The following SLCO1B3 variants were observed in gnomAD, a reference collection of about 807,000 sequenced individuals.
SLCO1B3 encodes the protein liver-specific organic anion transporter 2.
A neutral mutation model predicts 71.8 loss-of-function variants in SLCO1B3; 72 were observed. That is an observed-to-expected ratio of 1.00 (90% CI 0.83 to 1.22). The LOEUF is 1.22. Among genes scored for constraint, SLCO1B3 ranks in the 50% most tolerant of loss-of-function variants. SLCO1B3 has a pLI of 0.00. For missense variants in SLCO1B3, 911 were observed against 819.7 expected (o/e 1.11, Z -1.36); for synonymous variants, 298 against 278.4 (o/e 1.07, Z -0.70).
At chr12:20,834,260 A>G (rs1241744634) in intron 3 of SLCO1B3, among the ~76,000 whole-genome samples, 2 of 142,670 alleles carry the variant, frequency 1.4e-5, no homozygotes, top group African/African-American at 5.0e-5. Context: ...TATAACCTGT[A>G]TACATAGTCT....
At chr12:20,913,544 C>CT (rs889376213) in intron 15 of SLCO1B3, among the ~76,000 whole-genome samples, 1 of 152,044 alleles carries the variant, frequency 6.6e-6, no homozygotes, top group Non-Finnish European at 1.5e-5. Flanking sequence ...TATGTAAAGA[C>CT]TTTTTTATCC....
chr12:20,858,681 A>G (rs531287608), intron 5 of SLCO1B3, 110 bp downstream of exon 5: 3 of 920,434 alleles, frequency 3.3e-6, no homozygotes, highest in African/African-American at 1.7e-5. Flanking sequence ...AGGAATACCT[A>G]TAGGTATGCA....
intron 3 of SLCO1B3, among the ~76,000 whole-genome samples, chr12:20,821,061 G>C (rs1864293803): frequency 6.6e-6 from 1 of 152,012 alleles, no homozygotes; most frequent in East Asian, 1.9e-4. Context: ...GGAGGGGAGA[G>C]GTCAGATGGG....
At chr12:20,838,346 T>C (rs1036207640) in intron 3 of SLCO1B3, among the ~76,000 whole-genome samples, 1 of 152,044 alleles carries the variant, frequency 6.6e-6, no homozygotes, top group East Asian at 1.9e-4. Context: ...TGTGTTTTTA[T>C]ATTTAAAGTG....
intron 15 of SLCO1B3, among the ~76,000 whole-genome samples, chr12:20,909,205 G>A (rs536114098): frequency 8.1e-5 from 11 of 136,030 alleles, no homozygotes; most frequent in African/African-American, 1.9e-4. Context: ...TCACTCTGTC[G>A]CCCAGGCTGG....
intron 13 of SLCO1B3, among the ~76,000 whole-genome samples, chr12:20,895,034 C>T (rs1288699630): frequency 2.0e-5 from 3 of 152,266 alleles, no homozygotes; most frequent in South Asian, 2.1e-4. Flanking sequence ...AGCAATCAAA[C>T]CTCATGAGAC....
chr12:20,916,325 C>T lies in SLCO1B3; in HGVS notation c.*78C>T. On this transcript the variant is annotated 3_prime_UTR_variant, in exon 16 of 16. Coordinates refer to ENST00000381545, the MANE Select transcript of SLCO1B3 (RefSeq NM_019844.4). The stretch of plus-strand genomic sequence containing the variant: ...TGACAATTCCAACATTCTTTACTTA[C>T]AGTGGACCAATGGATAAGTCTATGC... 7.3e-7 allele frequency: 1 copy of T among 1,375,354 alleles called. No homozygotes were observed. The highest frequency in any genetic ancestry group is 1.4e-5 in the African/African-American group (1 of 69,482). 85.2% of individuals were successfully genotyped at this position (1,375,354 alleles called of 1,614,324 possible). A position where few individuals can be genotyped will look rare whatever the true frequency, so the allele number is the denominator to read the frequency against.
chr12:20,822,173 C>T (rs139198721), intron 3 of SLCO1B3, among the ~76,000 whole-genome samples: 6,739 of 152,170 alleles, frequency 0.044, 390 homozygotes, highest in African/African-American at 0.13. Flanking sequence ...CGATCCAAGT[C>T]ACGGCACCAA....
Position 20,815,662 on chromosome 12 carries a change from CTTTTTT to C in SLCO1B3, c.-65-11_-65-6del. 1.1e-6 allele frequency: 1 copy of C among 930,838 alleles called. No homozygotes were observed. 57.7% of individuals were successfully genotyped at this position (930,838 alleles called of 1,614,324 possible). The stretch of plus-strand genomic sequence containing the variant: ...TAAAGTAAAATAAATTATACTTTTT[CTTTTTT>C]AACAGGTGATCATTTCAAACCAAGC... On this transcript the variant is annotated splice_polypyrimidine_tract_variant and splice_region_variant and intron_variant, in intron 2 of 15. Transcript: ENST00000381545.
intron 3 of SLCO1B3, among the ~76,000 whole-genome samples, chr12:20,828,065 A>G (rs191489066): frequency 2.6e-4 from 39 of 152,262 alleles, no homozygotes; most frequent in African/African-American, 8.4e-4. Flanking sequence ...TAGAAGACCA[A>G]TTTTATTTAG....
At chr12:20,820,462 G>C (rs1213865552) in intron 3 of SLCO1B3, among the ~76,000 whole-genome samples, 1 of 152,162 alleles carries the variant, frequency 6.6e-6, no homozygotes, top group Non-Finnish European at 1.5e-5. Context: ...TCTGGCACTT[G>C]TAGCAAGCTC....
chr12:20,845,005 A>G (rs2033512), intron 3 of SLCO1B3: 178,738 of 229,308 alleles, frequency 0.78, 72,867 homozygotes, highest in South Asian at 0.92. Context: ...ACTCCAGTCC[A>G]TGTGACAGAG....
At chr12:20,834,987 T>C (rs7970648) in intron 3 of SLCO1B3, among the ~76,000 whole-genome samples, 1 of 152,196 alleles carries the variant, frequency 6.6e-6, no homozygotes, top group Non-Finnish European at 1.5e-5. Flanking sequence ...CAAGCATTTC[T>C]ATACATCCTC....
chr12:20,884,575 G>C (rs1029464788), intron 13 of SLCO1B3, among the ~76,000 whole-genome samples: 1 of 152,058 alleles, frequency 6.6e-6, no homozygotes, highest in Non-Finnish European at 1.5e-5. Context: ...TTGGAGAGTT[G>C]AGGGGAAGCA....
intron 3 of SLCO1B3, among the ~76,000 whole-genome samples, chr12:20,839,786 A>G (rs776853990): frequency 6.6e-6 from 1 of 151,982 alleles, no homozygotes; most frequent in Non-Finnish European, 1.5e-5. Flanking sequence ...TGTCCCTATT[A>G]TGTGCATGTT....
intron 3 of SLCO1B3, among the ~76,000 whole-genome samples, chr12:20,849,930 C>T (rs778842368): frequency 6.6e-6 from 1 of 151,368 alleles, no homozygotes; most frequent in Non-Finnish European, 1.5e-5. Flanking sequence ...AATGGAAAAA[C>T]ATCCAGTGTT....
chr12:20,858,603 A>G, intron 5 of SLCO1B3, 32 bp downstream of exon 5: 1 of 1,566,100 alleles, frequency 6.4e-7, no homozygotes, highest in Non-Finnish European at 8.7e-7. Flanking sequence ...GCCATTTATT[A>G]TCAGCTACTT....
At chr12:20,878,334 A>G (rs781433446) in intron 10 of SLCO1B3, among the ~76,000 whole-genome samples, 3 of 152,154 alleles carry the variant, frequency 2.0e-5, no homozygotes, top group South Asian at 2.1e-4. Context: ...TCAGCTACTT[A>G]CAAAAGACAT....
chr12:20,904,628 C>T (rs2120405741), intron 15 of SLCO1B3, among the ~76,000 whole-genome samples: 1 of 152,116 alleles, frequency 6.6e-6, no homozygotes, highest in South Asian at 2.1e-4. Flanking sequence ...TATAGCTCCA[C>T]TAGGTAGTGC....
Sources: allele counts gnomAD v4.1 joint callset (sites outside exome capture counted in the v4.1 genomes callset), GRCh38; gene constraint gnomAD v4.1.1; transcripts MANE v1.5; gene names NCBI Gene and HGNC (gene_info 2026-07-23, HGNC 2026-07-21).